The following ZNRF1 variants were observed in gnomAD, a reference collection of about 807,000 sequenced individuals.
The protein encoded by ZNRF1 is zinc and ring finger 1.
ZNRF1 carries 3 observed loss-of-function variants against 18.4 expected under a neutral mutation model. That is an observed-to-expected ratio of 0.16 (90% confidence interval 0.07 to 0.42). The LOEUF is 0.42. Among genes scored for constraint, ZNRF1 ranks in the 10% least tolerant of loss-of-function variants. The pLI is 0.99. For synonymous variants in ZNRF1, 157 were observed against 144.2 expected, an observed-to-expected ratio of 1.09 and a Z score of -0.64; for missense variants, 310 against 329.8, an observed-to-expected ratio of 0.94 and a Z score of 0.47.
intron 1 of ZNRF1, among the ~76,000 whole-genome samples, chr16:75,031,576 C>G (rs2035304456): frequency 6.6e-6 from 1 of 152,066 alleles, no homozygotes; most frequent in South Asian, 2.1e-4. Flanking sequence ...GGTGTGATCT[C>G]AGCTCACTGC....
Position 75,108,381 on chromosome 16 carries a change from AG to A in ZNRF1, c.*683del. On this transcript the variant is annotated 3_prime_UTR_variant, in exon 5 of 5. Coordinates refer to ENST00000335325, the MANE Select transcript of ZNRF1 (RefSeq NM_032268.5). ...TTCCTCCTGGTTCCGGTCAGTTCAGAGGATTTAACAATCACAAGTGTCCTGC... is the reference window on the plus strand; with the variant it reads ...TTCCTCCTGGTTCCGGTCAGTTCAGAGATTTAACAATCACAAGTGTCCTGC... 2.6e-6 allele frequency: 1 copy of A among 390,398 alleles called. No individual in the cohort carries two copies. The highest frequency in any genetic ancestry group is 4.5e-6 in the Non-Finnish European group (1 of 221,946). 24.2% of individuals were successfully genotyped at this position (390,398 alleles called of 1,614,324 possible).
intron 1 of ZNRF1, among the ~76,000 whole-genome samples, chr16:75,092,481 C>T (rs1323391888): frequency 6.6e-6 from 1 of 152,202 alleles, no homozygotes; most frequent in Non-Finnish European, 1.5e-5. Context: ...AATAAGATTT[C>T]AGTGGCAACA....
chr16:75,039,279 C>CT (rs770182095), intron 1 of ZNRF1, among the ~76,000 whole-genome samples: 35 of 147,906 alleles, frequency 2.4e-4, no homozygotes, highest in East Asian at 9.8e-4. Context: ...GTTTGGAAAA[C>CT]TTTTTTTTTT....
At chr16:75,012,116 A>G (rs973181538) in intron 1 of ZNRF1, among the ~76,000 whole-genome samples, 2 of 152,232 alleles carry the variant, frequency 1.3e-5, no homozygotes, top group African/African-American at 4.8e-5. Flanking sequence ...CTTGAGGGGA[A>G]CATAACCAAA....
chr16:75,000,672 T>A (rs1332983727), intron 1 of ZNRF1, among the ~76,000 whole-genome samples: 1 of 152,166 alleles, frequency 6.6e-6, no homozygotes, highest in Admixed American at 6.5e-5. Context: ...CAGGTGTGGC[T>A]GCTGTACGGA....
chr16:75,097,569 T>A (rs1471813880), intron 2 of ZNRF1, among the ~76,000 whole-genome samples: 1 of 152,216 alleles, frequency 6.6e-6, no homozygotes, highest in Non-Finnish European at 1.5e-5. Flanking sequence ...GGCTCACGTC[T>A]GTAATCCCAA....
In ZNRF1 at chr16:75,110,762, A is replaced by G. The variant is rs1226196019; in HGVS notation, c.*3062A>G. The G allele has an allele frequency of 6.6e-6, 1 of 152,232 alleles. No individual in the cohort carries two copies. The highest frequency in any genetic ancestry group is 1.5e-5 in the Non-Finnish European group (1 of 68,056). The allele number at this position is 152,232 out of a possible 1,614,324, so 9.4% of individuals were successfully genotyped here. On this transcript the variant is annotated 3_prime_UTR_variant, in exon 5 of 5. Transcript: ENST00000335325. The stretch of plus-strand genomic sequence containing the variant: ...CAGGCACTGGAGGGCGCATCAAAGA[A>G]GAGTCCTACCCAGGAGGGAGAGCGC...
At chr16:75,079,735 G>A (rs2035987104) in intron 1 of ZNRF1, among the ~76,000 whole-genome samples, 1 of 152,098 alleles carries the variant, frequency 6.6e-6, no homozygotes, top group Non-Finnish European at 1.5e-5. Context: ...ACACAGTTGT[G>A]GCCTACTGGA....
At chr16:75,100,353 C>A (rs2036241732) in intron 2 of ZNRF1, among the ~76,000 whole-genome samples, 1 of 152,234 alleles carries the variant, frequency 6.6e-6, no homozygotes, top group African/African-American at 2.4e-5. Context: ...GGCCTTCCGC[C>A]CCAGGACAAG....
chr16:75,104,519 G>A lies in ZNRF1; in HGVS notation c.521-265G>A, dbSNP rs542132556. ...GTCTACCCTTCTCCAAGCCTTTTTC[G>A]TCCGCTGTCACCTAGGCTTTTGGTT... On this transcript the variant is annotated intron_variant, in intron 2 of 4. Coordinates refer to ENST00000335325, the MANE Select transcript of ZNRF1 (RefSeq NM_032268.5). 2.0e-5 allele frequency: 6 copies of A among 297,608 alleles called. No homozygotes were observed. The East Asian group carries it at 2.3e-4, about 12-fold the overall frequency. 18.4% of individuals were successfully genotyped at this position (297,608 alleles called of 1,614,324 possible). A position where few individuals can be genotyped will look rare whatever the true frequency, so the allele number is the denominator to read the frequency against.
intron 1 of ZNRF1, among the ~76,000 whole-genome samples, chr16:75,070,654 C>A (rs374744461): frequency 5.3e-5 from 8 of 152,078 alleles, no homozygotes; most frequent in Non-Finnish European, 7.4e-5. Context: ...TAGGAACCCT[C>A]CCCCAACCCC....
intron 1 of ZNRF1, among the ~76,000 whole-genome samples, chr16:75,087,362 TTC>T (rs2036085897): frequency 6.6e-6 from 1 of 152,232 alleles, no homozygotes; most frequent in Non-Finnish European, 1.5e-5. Flanking sequence ...CAGACTTGCC[TTC>T]TCTCAAGAGC....
chr16:75,055,171 G>A (rs1032595684), intron 1 of ZNRF1, among the ~76,000 whole-genome samples: 2 of 152,188 alleles, frequency 1.3e-5, no homozygotes, highest in Non-Finnish European at 2.9e-5. Flanking sequence ...GTGTGGGAAC[G>A]TCATTTGGAC....
chr16:75,039,027 A>G (rs2035408643), intron 1 of ZNRF1, among the ~76,000 whole-genome samples: 1 of 152,180 alleles, frequency 6.6e-6, no homozygotes, highest in Non-Finnish European at 1.5e-5. Flanking sequence ...ACATTCCAGT[A>G]GGTATGTGAT....
chr16:75,030,733 A>G (rs899028178), intron 1 of ZNRF1, among the ~76,000 whole-genome samples: 4 of 152,072 alleles, frequency 2.6e-5, no homozygotes, highest in African/African-American at 9.7e-5. Context: ...TTTTATATAA[A>G]TGGGATAATA....
intron 2 of ZNRF1, among the ~76,000 whole-genome samples, chr16:75,100,310 TC>T: frequency 6.6e-6 from 1 of 152,322 alleles, no homozygotes; most frequent in Admixed American, 6.5e-5. Flanking sequence ...CCTCTAACCT[TC>T]CTCTGCTCAA....
intron 1 of ZNRF1, among the ~76,000 whole-genome samples, chr16:75,039,539 A>G (rs757226056): frequency 3.9e-5 from 6 of 152,216 alleles, no homozygotes; most frequent in Non-Finnish European, 5.9e-5. Flanking sequence ...GATCAATCAT[A>G]AGATTCTCCC....
At chr16:75,094,066 C>T (rs1262422492) in intron 2 of ZNRF1, among the ~76,000 whole-genome samples, 2 of 152,202 alleles carry the variant, frequency 1.3e-5, no homozygotes, top group Admixed American at 6.5e-5. Flanking sequence ...AAGCACCCGC[C>T]CTCCTTGGGG....
intron 1 of ZNRF1, among the ~76,000 whole-genome samples, chr16:75,074,251 A>T (rs2035910569): frequency 6.6e-6 from 1 of 152,232 alleles, no homozygotes; most frequent in African/African-American, 2.4e-5. Flanking sequence ...TCAGGCCGGC[A>T]TAAGTGGCTT....
Sources: allele counts gnomAD v4.1 joint callset (sites outside exome capture counted in the v4.1 genomes callset), GRCh38; gene constraint gnomAD v4.1.1; transcripts MANE v1.5; gene names NCBI Gene and HGNC (gene_info 2026-07-23, HGNC 2026-07-21).